IFNGR1: variants seen among roughly 807,000 people sequenced by gnomAD.
IFNGR1 encodes the protein AVP, type 2.
Under a neutral mutation model 35.4 loss-of-function variants are expected in IFNGR1, and 23 were observed. That is an observed-to-expected ratio of 0.65 (90% CI 0.47 to 0.92). The LOEUF is 0.92. IFNGR1 is among the 40% of genes least tolerant of loss of function. IFNGR1 has a pLI of 0.00. For synonymous variants in IFNGR1, 199 were observed against 209.5 expected, an observed-to-expected ratio of 0.95 and a Z score of 0.43; for missense variants, 533 against 583.4, an observed-to-expected ratio of 0.91 and a Z score of 0.89.
At position 137,198,522 on chromosome 6, in the gene IFNGR1, A is replaced by G. The variant is rs755921189; in HGVS notation, c.979T>C (p.Ser327Pro). Residue 327 changes from serine to proline, a missense_variant, in exon 7 of 7, where the codon TCT (serine) becomes CCT (proline). Transcript: ENST00000367739. Reference protein sequence around the residue: ...EKEVVCEEPLSPATVPGMHTE... With the variant: ...EKEVVCEEPLPPATVPGMHTE... ...TGCATGCCTGGAACTGTTGCTGGAG[A>G]CAACGGCTCTTCACAGACCACCTCC... 1.9e-6 allele frequency: 3 copies of G among 1,614,116 alleles called. No individual in the cohort carries two copies. In the South Asian group the frequency reaches 3.3e-5, roughly 18 times the overall value.
intron 1 of IFNGR1, among the ~76,000 whole-genome samples, chr6:137,209,003 C>T (rs755563610): frequency 6.6e-6 from 1 of 152,264 alleles, no homozygotes; most frequent in Non-Finnish European, 1.5e-5. Flanking sequence ...CCTCTTACAT[C>T]CGCATGACCT....
At chr6:137,208,376 T>C (rs1438927304) in intron 1 of IFNGR1, among the ~76,000 whole-genome samples, 2 of 152,122 alleles carry the variant, frequency 1.3e-5, no homozygotes, top group African/African-American at 4.8e-5. Context: ...CCCAAGGCCA[T>C]CGAGAAAATG....
At chr6:137,205,231 A>G (rs543353281) in intron 3 of IFNGR1, among the ~76,000 whole-genome samples, 4 of 152,344 alleles carry the variant, frequency 2.6e-5, no homozygotes, top group African/African-American at 7.2e-5. Context: ...AGCCTGTAGA[A>G]GAGACCGAGG....
At chr6:137,209,617 T>C (rs1035559587) in intron 1 of IFNGR1, among the ~76,000 whole-genome samples, 1 of 152,202 alleles carries the variant, frequency 6.6e-6, no homozygotes, top group African/African-American at 2.4e-5. Context: ...CTTGCTGTGA[T>C]TCTGAGGCCT....
chr6:137,206,671 T>C (rs1779437860), intron 2 of IFNGR1: 3 of 413,826 alleles, frequency 7.2e-6, no homozygotes, highest in Non-Finnish European at 1.3e-5. Flanking sequence ...AAATTTATAT[T>C]GTTCTACTAA....
At position 137,206,154 on chromosome 6, in the gene IFNGR1, A is replaced by G. The variant is rs1323973607; in HGVS notation, c.355T>C (p.Phe119Leu). Residue 119 changes from phenylalanine (F) to leucine (L), a missense_variant, in exon 3 of 7, where the codon TTT becomes CTT. Phe to Leu is a conservative substitution (Grantham distance 22). Coordinates refer to ENST00000367739, the MANE Select transcript of IFNGR1 (RefSeq NM_000416.3). ...KESAYAKSEEFAVCRDGKIGP... is the reference protein window; with the variant it reads ...KESAYAKSEELAVCRDGKIGP... The stretch of plus-strand genomic sequence containing the variant: ...TACTCACCATCTCGGCATACAGCAA[A>G]TTCTTCTGACTTTGCATAGGCAGAT... 2.5e-6 allele frequency: 4 copies of G among 1,613,966 alleles called. No homozygotes were observed. The highest frequency in any genetic ancestry group is 3.4e-6 in the Non-Finnish European group (4 of 1,179,938).
chr6:137,207,624 T>G (rs1276356940), intron 1 of IFNGR1, among the ~76,000 whole-genome samples: 1 of 152,210 alleles, frequency 6.6e-6, no homozygotes, highest in African/African-American at 2.4e-5. Flanking sequence ...GATGGGTTTA[T>G]TGGGGCTTCT....
intron 1 of IFNGR1, among the ~76,000 whole-genome samples, chr6:137,211,214 T>A (rs556495423): frequency 6.6e-6 from 1 of 152,060 alleles, no homozygotes; most frequent in Non-Finnish European, 1.5e-5. Flanking sequence ...AAAAATAATA[T>A]AGCCCCAAAT....
intron 6 of IFNGR1, 82 bp from the exon 7 acceptor site, chr6:137,198,721 A>ATGTGCCATTTGG: frequency 9.5e-7 from 1 of 1,057,608 alleles, no homozygotes; most frequent in Non-Finnish European, 1.4e-6. Context: ...GTCTGAAGTA[A>ATGTGCCATTTGG]TGGACCACCA....
rs937676852 is a variant in IFNGR1 at position 137,206,950 on chromosome 6, G to A, written c.200+13C>T. ...AATGGAATAAAAAGGATAAATAAAAGAGTGACACTCACCCATAGTTCTTTA... is the reference window on the plus strand; with the variant it reads ...AATGGAATAAAAAGGATAAATAAAAAAGTGACACTCACCCATAGTTCTTTA... On this transcript the variant is annotated intron_variant, in intron 2 of 6. Transcript: ENST00000367739. 13 of 1,568,006 alleles carry A rather than the reference G, an allele frequency of 8.3e-6. No individual in the cohort carries two copies. The highest frequency in any genetic ancestry group is 3.3e-5 in the Admixed American group (2 of 59,896).
chr6:137,203,393 T>G (rs960754424), intron 5 of IFNGR1, 106 bp downstream of exon 5: 4 of 731,602 alleles, frequency 5.5e-6, no homozygotes, highest in Non-Finnish European at 1.0e-5. Context: ...AAATGAATAT[T>G]GTTAAAACAG....
At chr6:137,202,191 G>C (rs752350126) in intron 5 of IFNGR1, among the ~76,000 whole-genome samples, 1 of 152,212 alleles carries the variant, frequency 6.6e-6, no homozygotes, top group Non-Finnish European at 1.5e-5. Context: ...CATTAGTGCT[G>C]TTAGAAGTCC....
At chr6:137,199,543 T>TATATAA (rs1582629933) in intron 6 of IFNGR1, among the ~76,000 whole-genome samples, 2 of 11,940 alleles carry the variant, frequency 1.7e-4, no homozygotes, top group African/African-American at 6.8e-4. Context: ...ATAATATATA[T>TATATAA]TATATAACAT....
At chr6:137,219,094 C>G (rs1287046688) in intron 1 of IFNGR1, 149 bp downstream of exon 1, 3 of 999,908 alleles carry the variant, frequency 3.0e-6, no homozygotes, top group African/African-American at 1.6e-5. Context: ...GCGACCCCAC[C>G]TCGCGTCCCC....
chr6:137,200,940 A>G lies in IFNGR1; in HGVS notation c.802T>C (p.Phe268Leu). ...FLVLSLVFICFYIKKINPLKE... is the reference protein window; with the variant it reads ...FLVLSLVFICLYIKKINPLKE... ...AATGGATTAATTTTCTTAATATAAA[A>G]ACAGATGAATACCAGGCTAAGCACT... The change falls in exon 6 of 7, where the codon TTT becomes CTT. Residue 268 changes from phenylalanine to leucine, a missense_variant. Transcript: ENST00000367739. 1 of 1,610,408 alleles carries G rather than the reference A, an allele frequency of 6.2e-7. No homozygotes were observed. Among genetic ancestry groups the G allele is most frequent in the Non-Finnish European group, 8.5e-7 (1 of 1,176,806 alleles).
At chr6:137,218,589 T>TTC in intron 1 of IFNGR1, 1 of 612,482 alleles carries the variant, frequency 1.6e-6, no homozygotes, top group African/African-American at 3.9e-5. Context: ...GCACTTTGAG[T>TTC]CCCCCCCCCC....
intron 4 of IFNGR1, 46 bp downstream of exon 4, chr6:137,204,286 G>C (rs767787467): frequency 1.3e-6 from 2 of 1,512,126 alleles, no homozygotes; most frequent in African/African-American, 2.7e-5. Context: ...AACAACTTTT[G>C]CTAGCTACAC....
rs921769326 is a variant in IFNGR1, at chr6:137,215,185, T to C, written c.85+4058A>G. On this transcript the variant is annotated intron_variant, in intron 1 of 6. Transcript: ENST00000367739. ...TTAGAGAAGTTACGTAACTTGACAA[T>C]ATGCAAAGTTTTGTTGGTTTTCATT... 10 of 1,504,410 alleles carry C rather than the reference T, an allele frequency of 6.6e-6. No individual in the cohort carries two copies. In the African/African-American group the frequency reaches 1.3e-4, roughly 19 times the overall value. 93.2% of individuals were successfully genotyped at this position (1,504,410 alleles called of 1,614,324 possible).
chr6:137,200,162 G>T (rs1779243362), intron 6 of IFNGR1, among the ~76,000 whole-genome samples: 1 of 152,118 alleles, frequency 6.6e-6, no homozygotes, highest in Non-Finnish European at 1.5e-5. Flanking sequence ...TTTGTGAGTT[G>T]ACTACTAACT....
Sources: gnomAD v4.1 joint callset for allele counts (sites outside exome capture counted in the v4.1 genomes callset) on GRCh38, gnomAD v4.1.1 for gene constraint, MANE v1.5 for transcripts, NCBI Gene and HGNC (gene_info 2026-07-23, HGNC 2026-07-21) for gene names.